Variants in SLC5A11 observed in about 807,000 individuals in gnomAD.
SLC5A11 encodes sodium/myo-inositol cotransporter 2.
A neutral mutation model predicts 69.8 loss-of-function variants in SLC5A11; 48 were observed. That is an observed-to-expected ratio of 0.69 (90% confidence interval 0.55 to 0.87). The LOEUF (loss-of-function observed/expected upper bound fraction) is 0.87, where lower values mean the gene tolerates loss of function less well. Ranked by LOEUF, SLC5A11 falls within the 40% of genes least tolerant of loss-of-function variation. The pLI, the probability that SLC5A11 is intolerant of heterozygous loss-of-function variation, is 0.00. For synonymous variants in SLC5A11, 319 were observed against 342.4 expected (o/e 0.93, Z 0.75); for missense variants, 784 against 866.1 (o/e 0.91, Z 1.19).
intron 7 of SLC5A11, among the ~76,000 whole-genome samples, chr16:24,883,583 G>C (rs553216608): frequency 6.6e-6 from 1 of 152,284 alleles, no homozygotes; most frequent in Non-Finnish European, 1.5e-5. Flanking sequence ...ATTATAGTTC[G>C]GTGTTAGGTG....
chr16:24,876,375 G>C (rs2047675905), intron 6 of SLC5A11, among the ~76,000 whole-genome samples: 2 of 152,064 alleles, frequency 1.3e-5, no homozygotes, highest in Non-Finnish European at 2.9e-5. Context: ...CTTCCTCCTG[G>C]AATTAGACAG....
chr16:24,879,676 G>A (rs1184539983), intron 7 of SLC5A11, among the ~76,000 whole-genome samples: 1 of 152,122 alleles, frequency 6.6e-6, no homozygotes, highest in East Asian at 1.9e-4. Context: ...GGCAGAGGTT[G>A]CAAGGTTGCA....
intron 3 of SLC5A11, among the ~76,000 whole-genome samples, chr16:24,866,148 ATAT>A (rs1445750738): frequency 2.0e-5 from 3 of 150,598 alleles, no homozygotes; most frequent in Non-Finnish European, 4.4e-5. Context: ...CACTAGACAT[ATAT>A]TAATTGCATG....
At chr16:24,863,175 A>G (rs944323455) in intron 3 of SLC5A11, among the ~76,000 whole-genome samples, 2 of 150,210 alleles carry the variant, frequency 1.3e-5, no homozygotes, top group African/African-American at 4.9e-5. Context: ...TTTGCTCTAC[A>G]TAGAAAAGCA....
intron 8 of SLC5A11, among the ~76,000 whole-genome samples, chr16:24,886,879 G>T (rs953636869): frequency 1.6e-4 from 25 of 152,092 alleles, no homozygotes; most frequent in African/African-American, 6.0e-4. Context: ...GAGGCAGGAG[G>T]ATCACTTGAG....
chr16:24,858,071 G>T (rs1306081844), intron 1 of SLC5A11, among the ~76,000 whole-genome samples: 1 of 152,092 alleles, frequency 6.6e-6, no homozygotes, highest in East Asian at 1.9e-4. Flanking sequence ...TGTAAAATGG[G>T]GATGATAACA....
chr16:24,851,197 C>T (rs2059289624), intron 1 of SLC5A11, among the ~76,000 whole-genome samples: 1 of 151,810 alleles, frequency 6.6e-6, no homozygotes, highest in Non-Finnish European at 1.5e-5. Context: ...GTGGTGCAAT[C>T]ATAGCTCAAT....
intron 3 of SLC5A11, among the ~76,000 whole-genome samples, chr16:24,865,533 G>T (rs575596928): frequency 3.9e-5 from 6 of 152,186 alleles, no homozygotes; most frequent in African/African-American, 1.2e-4. Context: ...CTCCAGCCTG[G>T]GTGACAGAGT....
intron 8 of SLC5A11, among the ~76,000 whole-genome samples, chr16:24,886,205 T>G (rs1367768668): frequency 6.6e-6 from 1 of 152,058 alleles, no homozygotes; most frequent in Non-Finnish European, 1.5e-5. Flanking sequence ...CAGCTAATTT[T>G]TGTATTTTTA....
chr16:24,861,405 A>C (rs1457481824), intron 2 of SLC5A11, among the ~76,000 whole-genome samples: 3 of 152,000 alleles, frequency 2.0e-5, no homozygotes, highest in African/African-American at 7.3e-5. Flanking sequence ...GCTTGTGCCT[A>C]GCAGTTCAAG....
chr16:24,890,556 GA>G (rs2048724001), intron 8 of SLC5A11, among the ~76,000 whole-genome samples: 1 of 129,440 alleles, frequency 7.7e-6, no homozygotes, highest in African/African-American at 3.0e-5. Flanking sequence ...AAGAAAGAAA[GA>G]AAAAAGAAAC....
intron 10 of SLC5A11, among the ~76,000 whole-genome samples, chr16:24,900,591 G>C (rs938637980): frequency 6.6e-6 from 1 of 152,112 alleles, no homozygotes; most frequent in African/African-American, 2.4e-5. Flanking sequence ...ATATACAGCT[G>C]TTCAGCAAGT....
At chr16:24,878,491 A>G (rs977778932) in intron 7 of SLC5A11, among the ~76,000 whole-genome samples, 5 of 152,048 alleles carry the variant, frequency 3.3e-5, no homozygotes, top group Non-Finnish European at 7.4e-5. Flanking sequence ...TTCCATATAT[A>G]TGTGTGTGTC....
intron 10 of SLC5A11, among the ~76,000 whole-genome samples, chr16:24,905,425 G>A (rs2049963209): frequency 6.6e-6 from 1 of 151,628 alleles, no homozygotes; most frequent in African/African-American, 2.4e-5. Flanking sequence ...CTGGGCGACA[G>A]AGTGAGACTC....
intron 14 of SLC5A11, among the ~76,000 whole-genome samples, 185 bp from the exon 16 acceptor site, chr16:24,910,121 T>C (rs1355677515): frequency 1.4e-5 from 2 of 138,382 alleles, no homozygotes; most frequent in South Asian, 2.4e-4. Flanking sequence ...AGCAGGGGAA[T>C]TGTGCGCTGA....
At chr16:24,860,278 T>G (rs1047972556) in intron 2 of SLC5A11, among the ~76,000 whole-genome samples, 24 of 151,438 alleles carry the variant, frequency 1.6e-4, no homozygotes. Context: ...CAGAGTGAGA[T>G]TCCATCTCAA....
intron 9 of SLC5A11, among the ~76,000 whole-genome samples, chr16:24,895,432 T>C (rs548453601): frequency 2.6e-5 from 4 of 151,196 alleles, no homozygotes; most frequent in African/African-American, 9.7e-5. Flanking sequence ...GAGGCTGCAG[T>C]GAGCAGAGAT....
At chr16:24,860,452 G>A (rs144279290) in intron 2 of SLC5A11, among the ~76,000 whole-genome samples, 98 of 152,172 alleles carry the variant, frequency 6.4e-4, no homozygotes, top group African/African-American at 2.2e-3. Flanking sequence ...GTGAAAATCC[G>A]TCTCAAAAAT....
chr16:24,891,097 A>T, intron 9 of SLC5A11, 23 bp downstream of exon 10: 1 of 1,601,848 alleles, frequency 6.2e-7, no homozygotes, highest in Non-Finnish European at 8.5e-7. Context: ...GGCCTGAGCA[A>T]GTTTTTCCTT....
Sources: gnomAD v4.1 joint callset for allele counts (sites outside exome capture counted in the v4.1 genomes callset) on GRCh38, gnomAD v4.1.1 for gene constraint, MANE v1.5 for transcripts, NCBI Gene and HGNC (gene_info 2026-07-23, HGNC 2026-07-21) for gene names.